CCDC60: variants seen among roughly 807,000 people sequenced by gnomAD.
CCDC60 encodes the protein coiled-coil domain containing 60.
Under a neutral mutation model 63.5 loss-of-function variants are expected in CCDC60, and 54 were observed. The ratio of observed to expected loss-of-function variants is 0.85; its 90% CI spans 0.68 to 1.07. The LOEUF (loss-of-function observed/expected upper bound fraction) is 1.07. Among genes scored for constraint, CCDC60 ranks in the 50% least tolerant of loss-of-function variants. The probability of loss-of-function intolerance (pLI) is 0.00; values close to 1 mark genes in which losing one functional copy is unlikely to be tolerated. For missense variants in CCDC60, 651 were observed against 684.3 expected (o/e 0.95, Z 0.54); for synonymous variants, 206 against 238.8 (o/e 0.86, Z 1.27).
At chr12:119,387,638 ATTATT>A (rs1252331145) in intron 1 of CCDC60, among the ~76,000 whole-genome samples, 2 of 152,046 alleles carry the variant, frequency 1.3e-5, no homozygotes, top group South Asian at 2.1e-4. Context: ...TATTTTAAGG[ATTATT>A]TTGTTTTTCA....
At chr12:119,455,718 A>G (rs1236691372) in intron 2 of CCDC60, among the ~76,000 whole-genome samples, 1 of 151,018 alleles carries the variant, frequency 6.6e-6, no homozygotes, top group Non-Finnish European at 1.5e-5. Context: ...ACAGAGCAAG[A>G]CTCTGTCTCT....
At chr12:119,416,872 G>A (rs1001753440) in intron 1 of CCDC60, among the ~76,000 whole-genome samples, 1 of 152,142 alleles carries the variant, frequency 6.6e-6, no homozygotes. Flanking sequence ...TGTAATCCCA[G>A]CACTTTGGGA....
At position 119,398,043 on chromosome 12, in the gene CCDC60, C is replaced by CGG. The variant is rs1168299376; in HGVS notation, c.91-30633_91-30632dup. Reference sequence around the variant, plus strand: ...GGCGGCGGGAGGGAGGAAGGGGCAGCGGGGGGGGAGGAAGGGGGTGGGGGG... The same window carrying CGG: ...GGCGGCGGGAGGGAGGAAGGGGCAGCGGGGGGGGGGAGGAAGGGGGTGGGGGG... On this transcript the variant is annotated intron_variant, in intron 1 of 13. Transcript: ENST00000327554. 0.032 allele frequency among the ~76,000 whole-genome samples: 866 copies of CGG among 26,658 alleles called. 54 individuals carry two copies. The East Asian group carries it at 0.39, about 12-fold the overall frequency. The allele number at this position is 26,658 out of a possible 152,430, so 17.5% of individuals were successfully genotyped here. A position where few individuals can be genotyped will look rare whatever the true frequency, so the allele number is the denominator to read the frequency against.
intron 2 of CCDC60, 65 bp downstream of exon 2, chr12:119,428,827 T>A: frequency 9.3e-7 from 1 of 1,080,218 alleles, no homozygotes; most frequent in Non-Finnish European, 1.4e-6. Context: ...CTATGGGGTG[T>A]TGCCTACAAG....
chr12:119,509,006 G>C (rs986380237), intron 7 of CCDC60, among the ~76,000 whole-genome samples: 2 of 152,046 alleles, frequency 1.3e-5, no homozygotes, highest in Non-Finnish European at 2.9e-5. Context: ...TTTGCAATGA[G>C]GGGAGGGGTA....
intron 7 of CCDC60, among the ~76,000 whole-genome samples, chr12:119,507,614 A>ATATTTTTTTTTTTTTT (rs1368858215): frequency 2.0e-5 from 1 of 50,498 alleles, no homozygotes; most frequent in African/African-American, 7.9e-5. Context: ...ATATATATAT[A>ATATTTTTTTTTTTTTT]TTTTTTTTTT....
intron 1 of CCDC60, among the ~76,000 whole-genome samples, chr12:119,337,305 G>A (rs183840631): frequency 6.6e-5 from 10 of 152,336 alleles, no homozygotes; most frequent in East Asian, 5.8e-4. Context: ...AAAGAATGAA[G>A]AGGGAAATGA....
intron 1 of CCDC60, among the ~76,000 whole-genome samples, chr12:119,377,724 C>T (rs1955967595): frequency 6.6e-6 from 1 of 152,132 alleles, no homozygotes; most frequent in Admixed American, 6.5e-5. Flanking sequence ...GTTTCAAAGT[C>T]TTTTCATTTT....
chr12:119,445,420 C>T (rs977683769), intron 2 of CCDC60, among the ~76,000 whole-genome samples: 12 of 84,822 alleles, frequency 1.4e-4, no homozygotes, highest in Admixed American at 1.8e-4. Flanking sequence ...AGTGACAGAG[C>T]GAGACTCCAT....
chr12:119,407,025 T>C lies in CCDC60; in HGVS notation c.91-21658T>C, dbSNP rs141068084. ...ACAAATATCTTCTTGTCATGAGAGG[T>C]GCCAGAACAGTCACCACAATGCCAG... On this transcript the variant is annotated intron_variant, in intron 1 of 13. Transcript: ENST00000327554. 4.6e-5 allele frequency among the ~76,000 whole-genome samples: 7 copies of C among 152,204 alleles called. No homozygotes were observed. In the East Asian group the frequency reaches 7.7e-4, roughly 17 times the overall value.
intron 1 of CCDC60, among the ~76,000 whole-genome samples, chr12:119,382,257 A>G (rs944075584): frequency 1.6e-4 from 25 of 152,208 alleles, no homozygotes; most frequent in African/African-American, 5.5e-4. Context: ...GCGTTTTACC[A>G]TGAGGCAGAG....
intron 4 of CCDC60, among the ~76,000 whole-genome samples, chr12:119,482,159 TACACAC>T (rs142480132): frequency 2.1e-5 from 3 of 145,324 alleles, no homozygotes; most frequent in Non-Finnish European, 4.5e-5. Context: ...CACACACACA[TACACAC>T]ACACACACAC....
intron 1 of CCDC60, among the ~76,000 whole-genome samples, chr12:119,365,002 G>A (rs1207472506): frequency 6.7e-5 from 7 of 104,698 alleles, no homozygotes; most frequent in Non-Finnish European, 1.0e-4. Flanking sequence ...GTACATCACC[G>A]AGCATCTACA....
intron 2 of CCDC60, among the ~76,000 whole-genome samples, chr12:119,458,062 T>A (rs1222710234): frequency 6.6e-6 from 1 of 152,214 alleles, no homozygotes; most frequent in African/African-American, 2.4e-5. Context: ...CCATCATTTT[T>A]GCCCTCTCTT....
intron 11 of CCDC60, among the ~76,000 whole-genome samples, chr12:119,525,506 G>GA (rs1036249943): frequency 1.3e-5 from 2 of 152,040 alleles, no homozygotes; most frequent in Non-Finnish European, 2.9e-5. Flanking sequence ...CATTCTTAAA[G>GA]AAAAAAATCT....
intron 1 of CCDC60, among the ~76,000 whole-genome samples, chr12:119,386,116 G>A (rs368026337): frequency 5.3e-5 from 8 of 152,182 alleles, no homozygotes; most frequent in African/African-American, 7.2e-5. Flanking sequence ...CCCTGAAGGC[G>A]GCAAGCCTTG....
chr12:119,500,048 G>C, intron 5 of CCDC60, 30 bp from the exon 6 acceptor site: 1 of 1,465,914 alleles, frequency 6.8e-7, no homozygotes, highest in Non-Finnish European at 9.6e-7. Flanking sequence ...CTCTGGAAAC[G>C]GAAAACTCAT....
intron 1 of CCDC60, among the ~76,000 whole-genome samples, chr12:119,401,187 G>C (rs371812965): frequency 6.6e-6 from 1 of 152,202 alleles, no homozygotes; most frequent in Non-Finnish European, 1.5e-5. Context: ...ACCCAGGTCC[G>C]TGTGATGTCA....
chr12:119,417,524 A>G (rs1956724182), intron 1 of CCDC60, among the ~76,000 whole-genome samples: 1 of 151,996 alleles, frequency 6.6e-6, no homozygotes, highest in African/African-American at 2.4e-5. Context: ...AGAGCACCCA[A>G]TTTCCTTTTA....
Sources: gnomAD v4.1 joint callset for allele counts (sites outside exome capture counted in the v4.1 genomes callset) on GRCh38, gnomAD v4.1.1 for gene constraint, MANE v1.5 for transcripts, NCBI Gene and HGNC (gene_info 2026-07-23, HGNC 2026-07-21) for gene names.